STK24: variants seen among roughly 807,000 people sequenced by gnomAD.
The protein encoded by STK24 is serine/threonine-protein kinase 24.
In STK24, 21 loss-of-function variants were observed where a neutral mutation model predicts 55.6. That is an observed-to-expected ratio of 0.38 (90% CI 0.27 to 0.54). The LOEUF (loss-of-function observed/expected upper bound fraction) is 0.54. Ranked by LOEUF, STK24 falls within the 20% of genes least tolerant of loss-of-function variation. STK24 has a pLI of 0.79. For synonymous variants in STK24, 200 were observed against 215.2 expected (o/e 0.93, Z 0.62); for missense variants, 383 against 538.4 (o/e 0.71, Z 2.86).
At chr13:98,552,649 G>A (rs1004543534) in intron 1 of STK24, among the ~76,000 whole-genome samples, 14 of 152,208 alleles carry the variant, frequency 9.2e-5, no homozygotes, top group African/African-American at 3.4e-4. Flanking sequence ...TGGCTACCGA[G>A]GGCGCCTTGA....
At chr13:98,497,014 G>C (rs1895275006) in intron 2 of STK24, among the ~76,000 whole-genome samples, 1 of 152,160 alleles carries the variant, frequency 6.6e-6, no homozygotes, top group Admixed American at 6.5e-5. Context: ...GACAGTGTTG[G>C]GACCCGCATT....
intron 1 of STK24, 94 bp from the exon 2 acceptor site, chr13:98,519,567 G>GTCT (rs1475159152): frequency 1.0e-6 from 1 of 953,908 alleles, no homozygotes; most frequent in Non-Finnish European, 1.6e-6. Context: ...AGACCACACT[G>GTCT]TCTTCCAGGG....
At chr13:98,558,839 T>G (rs1168712090) in intron 1 of STK24, among the ~76,000 whole-genome samples, 2 of 151,986 alleles carry the variant, frequency 1.3e-5, no homozygotes, top group African/African-American at 2.4e-5. Context: ...CAAACAATGG[T>G]GACCACAGAA....
chr13:98,536,360 CTTTTT>C (rs34138053), intron 1 of STK24, among the ~76,000 whole-genome samples: 1 of 146,806 alleles, frequency 6.8e-6, no homozygotes, highest in African/African-American at 2.5e-5. Flanking sequence ...CTTCTTCTAT[CTTTTT>C]TTTTTTTTCT....
intron 1 of STK24, among the ~76,000 whole-genome samples, chr13:98,559,162 G>T (rs533246939): frequency 4.0e-5 from 6 of 151,690 alleles, no homozygotes; most frequent in Non-Finnish European, 5.9e-5. Context: ...CAACAAGAGC[G>T]AACTCCGTCT....
intron 1 of STK24, among the ~76,000 whole-genome samples, chr13:98,546,190 G>A (rs947966963): frequency 2.0e-5 from 3 of 152,136 alleles, no homozygotes; most frequent in African/African-American, 7.2e-5. Flanking sequence ...CACCCCCACT[G>A]TCCCCCAACC....
intron 1 of STK24, among the ~76,000 whole-genome samples, chr13:98,539,388 T>G (rs1442587821): frequency 6.6e-6 from 1 of 152,196 alleles, no homozygotes; most frequent in Non-Finnish European, 1.5e-5. Flanking sequence ...TGAACCATCC[T>G]TGGATGCCTG....
intron 4 of STK24, 91 bp downstream of exon 4, chr13:98,475,159 T>TG (rs1378056694): frequency 7.1e-7 from 1 of 1,402,690 alleles, no homozygotes; most frequent in Non-Finnish European, 9.7e-7. Flanking sequence ...GCAGGACAAA[T>TG]GGGCGCCAGC....
chr13:98,569,753 G>C (rs754997961), intron 1 of STK24, among the ~76,000 whole-genome samples: 2 of 152,054 alleles, frequency 1.3e-5, no homozygotes, highest in East Asian at 3.9e-4. Context: ...CTCTCTGCTG[G>C]GGGAGAGCGG....
At chr13:98,552,808 G>A (rs530756960) in intron 1 of STK24, among the ~76,000 whole-genome samples, 1 of 152,218 alleles carries the variant, frequency 6.6e-6, no homozygotes, top group East Asian at 1.9e-4. Flanking sequence ...CTTGAGTAGG[G>A]CCAAAAGGAC....
chr13:98,446,178 C>T lies in STK24; in HGVS notation c.*6995G>A, dbSNP rs145031094. On this transcript the variant is annotated 3_prime_UTR_variant, in exon 11 of 11. Coordinates refer to ENST00000539966, the MANE Select transcript of STK24 (RefSeq NM_001032296.4). ...AGCTGTGGGTGGTGTTCACAAACTT[C>T]TGCCTGTTCTTCTACAAATCACACC... The T allele has an allele frequency of 9.3e-4, 1,500 of 1,613,646 alleles. 17 individuals are homozygous for T. In the South Asian group the frequency reaches 0.011, roughly 12 times the overall value.
intron 1 of STK24, chr13:98,542,787 T>G: frequency 1.0e-6 from 1 of 971,302 alleles, no homozygotes. Context: ...CTACTTTCTA[T>G]GCGTTTGTCT....
intron 1 of STK24, among the ~76,000 whole-genome samples, chr13:98,565,909 C>T (rs1245084386): frequency 6.6e-6 from 1 of 152,232 alleles, no homozygotes; most frequent in Non-Finnish European, 1.5e-5. Context: ...ACAAGTTTCC[C>T]GATCAGGAGG....
At chr13:98,526,748 G>A (rs900156604) in intron 1 of STK24, among the ~76,000 whole-genome samples, 5 of 152,160 alleles carry the variant, frequency 3.3e-5, no homozygotes, top group African/African-American at 1.2e-4. Flanking sequence ...GTGAGTGAGT[G>A]ACCGCTTGTC....
chr13:98,445,960 G>A lies in STK24; in HGVS notation c.*7213C>T, dbSNP rs930693568. Reference sequence around the variant, plus strand: ...GGACCTGCCAAGTCTCCCCACACACGGGGGAGCGGGGGTGGGGCCCACATC... The same window carrying A: ...GGACCTGCCAAGTCTCCCCACACACAGGGGAGCGGGGGTGGGGCCCACATC... On this transcript the variant is annotated 3_prime_UTR_variant, in exon 11 of 11. Coordinates refer to ENST00000539966, the MANE Select transcript of STK24 (RefSeq NM_001032296.4). The A allele has an allele frequency of 7.1e-5, 43 of 604,500 alleles. No individual in the cohort carries two copies. The highest frequency in any genetic ancestry group is 8.9e-5 in the Non-Finnish European group (30 of 336,070). The allele number at this position is 604,500 out of a possible 1,614,324, so 37.4% of individuals were successfully genotyped here.
intron 2 of STK24, among the ~76,000 whole-genome samples, chr13:98,515,690 C>A (rs1320659664): frequency 1.3e-5 from 2 of 152,174 alleles, no homozygotes; most frequent in South Asian, 2.1e-4. Flanking sequence ...ATATTTAGAC[C>A]ACTTCTCTAT....
At chr13:98,468,510 G>C (rs1019738788) in intron 5 of STK24, among the ~76,000 whole-genome samples, 1 of 152,210 alleles carries the variant, frequency 6.6e-6, no homozygotes, top group Non-Finnish European at 1.5e-5. Context: ...GCAGGCACAA[G>C]GAGGGAGGAC....
At chr13:98,576,252 A>G in intron 1 of STK24, 1 of 979,386 alleles carries the variant, frequency 1.0e-6, no homozygotes, top group Non-Finnish European at 1.2e-6. Context: ...GGACGAGTCC[A>G]GGCGCGCTCC....
Position 98,463,590 on chromosome 13 carries a change from A to G in STK24, c.929+101T>C, listed in dbSNP as rs1224820523. 25 of 1,390,674 alleles carry G rather than the reference A, an allele frequency of 1.8e-5. 1 individual carries two copies. Among genetic ancestry groups the G allele is most frequent in the Non-Finnish European group, 2.4e-5 (25 of 1,045,420 alleles). 86.1% of individuals were successfully genotyped at this position (1,390,674 alleles called of 1,614,324 possible). A position where few individuals can be genotyped will look rare whatever the true frequency, so the allele number is the denominator to read the frequency against. Reference sequence around the variant, plus strand: ...GCCACCAACCTGGATTGTCTAAAAAAAAAAAAAAACTCAACAGAAAACGAA... The same window carrying G: ...GCCACCAACCTGGATTGTCTAAAAAGAAAAAAAAACTCAACAGAAAACGAA... On this transcript the variant is annotated intron_variant, in intron 7 of 10. Coordinates refer to ENST00000539966, the MANE Select transcript of STK24 (RefSeq NM_001032296.4).
Sources: gnomAD v4.1 joint callset for allele counts (sites outside exome capture counted in the v4.1 genomes callset) on GRCh38, gnomAD v4.1.1 for gene constraint, MANE v1.5 for transcripts, NCBI Gene and HGNC (gene_info 2026-07-23, HGNC 2026-07-21) for gene names.